The following FRMPD3 variants were observed in gnomAD, a reference collection of about 807,000 sequenced individuals.
FRMPD3 encodes the protein FERM and PDZ domain containing 3, also known as FERM and PDZ domain-containing protein 3.
In FRMPD3, 42 loss-of-function variants were observed where a neutral mutation model predicts 97.9. The ratio of observed to expected loss-of-function variants is 0.43; its 90% confidence interval spans 0.34 to 0.55. The LOEUF is 0.55. FRMPD3 is among the 20% of genes least tolerant of loss of function. The pLI is 0.03. For missense variants in FRMPD3, 1,303 were observed against 1,457.7 expected, an observed-to-expected ratio of 0.89 and a Z score of 1.73; for synonymous variants, 577 against 581.1, an observed-to-expected ratio of 0.99 and a Z score of 0.10.
At chrX:107,466,640 GAAGA>G (rs1481035665) in intron 1 of FRMPD3, among the ~76,000 whole-genome samples, 8 of 112,271 alleles carry the variant, frequency 7.1e-5, no homozygotes, top group Non-Finnish European at 1.1e-4. Context: ...CTGCCAAAGG[GAAGA>G]AAGAGAGGAT....
Position 107,563,150 on chromosome X carries a change from C to T in FRMPD3, c.1066C>T (p.Leu356=), listed in dbSNP as rs1486924749. ...IQAKLQYLRI[L]NELPTFTGVL... is the part of the protein sequence containing the mutation. ...GGCAAAGCTCCAGTATCTACGAATT[C>T]TGAATGAACTTCCTACCTTCACGGG... The change falls in exon 11 of 15, where the codon CTG becomes TTG. Residue 356 remains leucine, a synonymous_variant. Transcript: ENST00000683843. 8.3e-7 allele frequency: 1 copy of T among 1,210,421 alleles called. No individual in the cohort carries two copies. Among genetic ancestry groups the T allele is most frequent in the South Asian group, 1.8e-5 (1 of 56,986 alleles).
chrX:107,582,917 A>G lies in FRMPD3; in HGVS notation c.1441+6458A>G, dbSNP rs540324293. Among the ~76,000 whole-genome samples, 6 of 112,042 alleles carry G rather than the reference A, an allele frequency of 5.4e-5. No homozygotes were observed. The South Asian group carries it at 2.2e-3, about 41-fold the overall frequency. On this transcript the variant is annotated intron_variant, in intron 13 of 14. Coordinates refer to ENST00000683843, the MANE Select transcript of FRMPD3 (RefSeq NM_001388459.1). Reference sequence around the variant, plus strand: ...TGACAAAGTCAGCTGGGATTTTAATAGAGACTATGTTGAATCTATAGATCA... The same window carrying G: ...TGACAAAGTCAGCTGGGATTTTAATGGAGACTATGTTGAATCTATAGATCA...
chrX:107,546,809 C>T (rs1366766316), intron 5 of FRMPD3, among the ~76,000 whole-genome samples: 1 of 112,098 alleles, frequency 8.9e-6, no homozygotes, highest in East Asian at 2.8e-4. Flanking sequence ...TACTGAGGAA[C>T]AGCCACAGTT....
intron 1 of FRMPD3, among the ~76,000 whole-genome samples, chrX:107,458,379 A>G (rs886776190): frequency 8.9e-6 from 1 of 112,478 alleles, no homozygotes; most frequent in Admixed American, 9.4e-5. Context: ...AACAGTAAGC[A>G]CTGTAGGGGT....
intron 2 of FRMPD3, among the ~76,000 whole-genome samples, chrX:107,529,909 G>A (rs1397082981): frequency 8.9e-6 from 1 of 111,874 alleles, no homozygotes; most frequent in Non-Finnish European, 1.9e-5. Context: ...TCCTCATTAA[G>A]AAGCAAGCCA....
At chrX:107,565,089 C>G (rs574076556) in intron 12 of FRMPD3, 23 bp downstream of exon 12, 1 of 1,139,815 alleles carries the variant, frequency 8.8e-7, no homozygotes. Context: ...TTGAGGGCCT[C>G]CTTCTGTTTA....
At chrX:107,478,903 G>A (rs1921268101) in intron 1 of FRMPD3, among the ~76,000 whole-genome samples, 1 of 111,475 alleles carries the variant, frequency 9.0e-6, no homozygotes, top group Admixed American at 9.5e-5. Context: ...GGGGTGGGGT[G>A]GGGGTAGTGC....
intron 1 of FRMPD3, among the ~76,000 whole-genome samples, chrX:107,482,593 G>C (rs1921402767): frequency 9.0e-6 from 1 of 111,570 alleles, no homozygotes; most frequent in African/African-American, 3.3e-5. Context: ...AGGAATAGGG[G>C]CTCTTCAGAG....
Position 107,552,787 on chromosome X carries a change from TC to T in FRMPD3, c.511-5del. On this transcript the variant is annotated splice_region_variant and splice_polypyrimidine_tract_variant and intron_variant, in intron 6 of 14. Coordinates refer to ENST00000683843, the MANE Select transcript of FRMPD3 (RefSeq NM_001388459.1). ...ATCTCCCTCTCAAGGCTCTTTTCTG[TC>T]CCACAGGATGTGATGTTGACATTAC... is the stretch of plus-strand genomic sequence containing the variant. 1 of 1,208,274 alleles carries T rather than the reference TC, an allele frequency of 8.3e-7. No individual in the cohort carries two copies. The highest frequency in any genetic ancestry group is 1.1e-6 in the Non-Finnish European group (1 of 894,130).
chrX:107,459,241 G>T (rs765364568), intron 1 of FRMPD3, among the ~76,000 whole-genome samples: 35 of 112,452 alleles, frequency 3.1e-4, no homozygotes, highest in Non-Finnish European at 5.3e-4. Context: ...CCTGTGTCTG[G>T]TCTGTTTCAA....
intron 12 of FRMPD3, among the ~76,000 whole-genome samples, chrX:107,570,142 G>T (rs1802793040): frequency 1.1e-5 from 1 of 93,043 alleles, no homozygotes; most frequent in Non-Finnish European, 2.1e-5. Flanking sequence ...GGAAGGAAGG[G>T]AGGGAAGGAA....
chrX:107,483,429 A>G (rs1433619512), intron 1 of FRMPD3, among the ~76,000 whole-genome samples: 2 of 112,182 alleles, frequency 1.8e-5, no homozygotes, highest in African/African-American at 6.5e-5. Flanking sequence ...TCCCCCACTG[A>G]GGCTCTTCCA....
intron 13 of FRMPD3, among the ~76,000 whole-genome samples, chrX:107,582,152 A>G (rs747710163): frequency 2.1e-4 from 23 of 110,818 alleles, no homozygotes; most frequent in Admixed American, 1.4e-3. Context: ...GTTAAATTTT[A>G]ACCGTATCTT....
At chrX:107,500,723 G>A (rs758252396) in intron 1 of FRMPD3, among the ~76,000 whole-genome samples, 7 of 107,427 alleles carry the variant, frequency 6.5e-5, no homozygotes, top group South Asian at 4.2e-4. Flanking sequence ...TGAAAGAATC[G>A]CGTGAATCTG....
intron 12 of FRMPD3, among the ~76,000 whole-genome samples, chrX:107,571,525 G>A (rs1300739927): frequency 1.8e-5 from 2 of 112,058 alleles, no homozygotes; most frequent in Non-Finnish European, 3.8e-5. Context: ...AGCCAGCTGG[G>A]GTTGTGCTTG....
At chrX:107,535,672 CAAA>C (rs772729164) in intron 4 of FRMPD3, among the ~76,000 whole-genome samples, 2 of 36,079 alleles carry the variant, frequency 5.5e-5, no homozygotes, top group Non-Finnish European at 5.8e-5. Flanking sequence ...GACTCCATCT[CAAA>C]AAAAAAAAAA....
intron 13 of FRMPD3, among the ~76,000 whole-genome samples, chrX:107,596,741 T>C (rs1254489592): frequency 8.9e-6 from 1 of 112,292 alleles, no homozygotes; most frequent in Non-Finnish European, 1.9e-5. Context: ...TATAGAGCCT[T>C]ATTCTTTTAG....
chrX:107,579,108 A>G (rs1435921925), intron 13 of FRMPD3, among the ~76,000 whole-genome samples: 1 of 112,091 alleles, frequency 8.9e-6, no homozygotes, highest in East Asian at 2.8e-4. Flanking sequence ...AATAGGGAAT[A>G]GGCATCCTCC....
At chrX:107,588,368 C>T (rs1364674901) in intron 13 of FRMPD3, among the ~76,000 whole-genome samples, 2 of 110,752 alleles carry the variant, frequency 1.8e-5, no homozygotes, top group African/African-American at 6.6e-5. Flanking sequence ...GATTTTCCTG[C>T]CTCAGCCTCC....
Sources: gnomAD v4.1 joint callset for allele counts (sites outside exome capture counted in the v4.1 genomes callset) on GRCh38, gnomAD v4.1.1 for gene constraint, MANE v1.5 for transcripts, NCBI Gene and HGNC (gene_info 2026-07-23, HGNC 2026-07-21) for gene names.